Variants in DTWD2 observed in about 807,000 individuals in gnomAD.
DTWD2 encodes the protein tRNA-uridine aminocarboxypropyltransferase 2.
Under a neutral mutation model 31.8 loss-of-function variants are expected in DTWD2, and 39 were observed. That is an observed-to-expected ratio of 1.22 (90% CI 0.95 to 1.60). The LOEUF is 1.60. Among genes scored for constraint, DTWD2 ranks in the 40% most tolerant of loss-of-function variants. The probability of loss-of-function intolerance (pLI) is 0.00; values close to 1 mark genes in which losing one functional copy is unlikely to be tolerated. For synonymous variants in DTWD2, 180 were observed against 142.8 expected, an observed-to-expected ratio of 1.26 and a Z score of -1.86; for missense variants, 515 against 381.5, an observed-to-expected ratio of 1.35 and a Z score of -2.92.
intron 4 of DTWD2, among the ~76,000 whole-genome samples, chr5:118,895,284 G>A (rs79811795): frequency 0.034 from 5,240 of 152,020 alleles, 303 homozygotes; most frequent in African/African-American, 0.12. Context: ...AAAAAACACC[G>A]ATGAATACAT....
At chr5:118,858,456 C>T (rs922689284) in intron 4 of DTWD2, among the ~76,000 whole-genome samples, 10 of 152,246 alleles carry the variant, frequency 6.6e-5, no homozygotes, top group East Asian at 1.9e-4. Context: ...ATTGTCTTTT[C>T]GGTGTCTGTT....
At chr5:118,911,346 A>G (rs1469630673) in intron 4 of DTWD2, among the ~76,000 whole-genome samples, 7 of 152,226 alleles carry the variant, frequency 4.6e-5, no homozygotes, top group Non-Finnish European at 8.8e-5. Context: ...ATTAGCAAAG[A>G]CAAAAGATAA....
At chr5:118,987,367 C>A (rs947710167) in intron 1 of DTWD2, among the ~76,000 whole-genome samples, 1 of 152,148 alleles carries the variant, frequency 6.6e-6, no homozygotes, top group Admixed American at 6.5e-5. Flanking sequence ...TACAATCCAG[C>A]CCTAGGAAAA....
At chr5:118,919,323 A>T (rs1561455467) in intron 4 of DTWD2, among the ~76,000 whole-genome samples, 1 of 152,226 alleles carries the variant, frequency 6.6e-6, no homozygotes, top group Non-Finnish European at 1.5e-5. Flanking sequence ...AATGTAAACA[A>T]ATCCCTTCTG....
At chr5:118,971,543 A>C (rs1330245321) in intron 1 of DTWD2, among the ~76,000 whole-genome samples, 1 of 152,182 alleles carries the variant, frequency 6.6e-6, no homozygotes, top group Non-Finnish European at 1.5e-5. Flanking sequence ...AGAGACTTTA[A>C]CACCCCACTG....
intron 4 of DTWD2, among the ~76,000 whole-genome samples, chr5:118,913,763 T>C (rs1753513140): frequency 6.6e-6 from 1 of 152,000 alleles, no homozygotes; most frequent in African/African-American, 2.4e-5. Flanking sequence ...TTTAAATAAC[T>C]GGCAAACATG....
chr5:118,946,388 A>G (rs1754339216), intron 1 of DTWD2, among the ~76,000 whole-genome samples: 1 of 152,218 alleles, frequency 6.6e-6, no homozygotes, highest in African/African-American at 2.4e-5. Context: ...AACAGGGTGC[A>G]ATGACAAACA....
intron 1 of DTWD2, among the ~76,000 whole-genome samples, chr5:118,971,450 T>C (rs1754985629): frequency 6.6e-6 from 1 of 152,172 alleles, no homozygotes; most frequent in African/African-American, 2.4e-5. Flanking sequence ...TAAATATATA[T>C]GCACCCAATA....
chr5:118,920,316 A>C lies in DTWD2; in HGVS notation c.597+8221T>G, dbSNP rs116573645. On this transcript the variant is annotated intron_variant, in intron 4 of 5. Transcript: ENST00000510708. ...TGTTTCTTTTTTTAAAAAAGAGATA[A>C]AGAATACTATATCTGTGATATATTA... 1.6e-3 allele frequency among the ~76,000 whole-genome samples: 240 copies of C among 152,168 alleles called. 2 individuals are homozygous for C. Among genetic ancestry groups the C allele is most frequent in the African/African-American group, 5.7e-3 (237 of 41,550 alleles).
chr5:118,842,407 A>G (rs1480111755), intron 5 of DTWD2, among the ~76,000 whole-genome samples: 1 of 152,190 alleles, frequency 6.6e-6, no homozygotes, highest in Non-Finnish European at 1.5e-5. Context: ...TGCCTAGAAA[A>G]TAACTGTTGA....
chr5:118,891,013 T>C (rs1580789849), intron 4 of DTWD2, among the ~76,000 whole-genome samples: 1 of 151,350 alleles, frequency 6.6e-6, no homozygotes, highest in Non-Finnish European at 1.5e-5. Context: ...TATAAAATTC[T>C]GTAAGGTGAA....
In DTWD2 at chr5:118,971,410, G is replaced by A. The variant is rs115427353; in HGVS notation, c.218+16884C>T. On this transcript the variant is annotated intron_variant, in intron 1 of 5. Coordinates refer to ENST00000510708, the MANE Select transcript of DTWD2 (RefSeq NM_173666.4). ...AGAAGGGCGTTATATATGGTAAAGG[G>A]TTCAGTTCAACAAGGAGAGCTAACT... 5.1e-3 allele frequency among the ~76,000 whole-genome samples: 783 copies of A among 152,230 alleles called. 10 individuals are homozygous for A. The highest frequency in any genetic ancestry group is 0.018 in the African/African-American group (743 of 41,538).
In DTWD2 at chr5:118,843,091, G is replaced by C. The variant is rs1223371947; in HGVS notation, c.727-2004C>G. 2.6e-5 allele frequency among the ~76,000 whole-genome samples: 4 copies of C among 151,840 alleles called. No individual in the cohort carries two copies. In the East Asian group the frequency reaches 7.8e-4, roughly 30 times the overall value. On this transcript the variant is annotated intron_variant, in intron 5 of 5. Coordinates refer to ENST00000510708, the MANE Select transcript of DTWD2 (RefSeq NM_173666.4). ...TCTGCCTCAGCCTCCCAAGTAGCTG[G>C]GACTATAGGTGCATGCCACCATGCC...
intron 4 of DTWD2, among the ~76,000 whole-genome samples, chr5:118,856,310 C>T (rs11948568): frequency 0.039 from 5,942 of 152,188 alleles, 378 homozygotes; most frequent in African/African-American, 0.13. Flanking sequence ...CTCAGGTATT[C>T]ATCCATATTA....
intron 4 of DTWD2, among the ~76,000 whole-genome samples, chr5:118,901,692 A>C (rs1456843701): frequency 6.6e-6 from 1 of 152,212 alleles, no homozygotes; most frequent in Non-Finnish European, 1.5e-5. Context: ...TTAAAATAAT[A>C]ATTAAATGTG....
At chr5:118,890,562 C>CTTTTTTT (rs973397760) in intron 4 of DTWD2, among the ~76,000 whole-genome samples, 4 of 71,260 alleles carry the variant, frequency 5.6e-5, no homozygotes, top group Non-Finnish European at 7.5e-5. Flanking sequence ...TTAGGTTTTC[C>CTTTTTTT]TTTTTTTTTT....
At chr5:118,987,868 T>C (rs901521465) in intron 1 of DTWD2, among the ~76,000 whole-genome samples, 7 of 152,200 alleles carry the variant, frequency 4.6e-5, no homozygotes, top group Non-Finnish European at 1.0e-4. Flanking sequence ...AGGCCCTATA[T>C]TTAGAGTTCT....
At chr5:118,850,309 CAA>C (rs74980941) in intron 4 of DTWD2, among the ~76,000 whole-genome samples, 5 of 63,090 alleles carry the variant, frequency 7.9e-5, no homozygotes, top group African/African-American at 2.0e-4. Flanking sequence ...ACCAAAAATA[CAA>C]AAAAAAAAAA....
At chr5:118,978,121 T>G (rs1755208508) in intron 1 of DTWD2, among the ~76,000 whole-genome samples, 1 of 151,444 alleles carries the variant, frequency 6.6e-6, no homozygotes, top group South Asian at 2.1e-4. Flanking sequence ...CCTGCTTTTT[T>G]TTTTTTTAAC....
Sources: gnomAD v4.1 joint callset for allele counts (sites outside exome capture counted in the v4.1 genomes callset) on GRCh38, gnomAD v4.1.1 for gene constraint, MANE v1.5 for transcripts, NCBI Gene and HGNC (gene_info 2026-07-23, HGNC 2026-07-21) for gene names.